IRF2: variants seen among roughly 807,000 people sequenced by gnomAD.
IRF2 encodes the protein interferon regulatory factor 2.
Under a neutral mutation model 40.6 loss-of-function variants are expected in IRF2, and 15 were observed. The observed-to-expected ratio is 0.37, with a 90% CI of 0.25 to 0.57. IRF2 has a LOEUF of 0.57. IRF2 is among the 20% of genes least tolerant of loss of function. The probability of loss-of-function intolerance (pLI) is 0.77; values close to 1 mark genes in which losing one functional copy is unlikely to be tolerated. For missense variants in IRF2, 317 were observed against 455.7 expected, an observed-to-expected ratio of 0.70 and a Z score of 2.77; for synonymous variants, 151 against 165.5, an observed-to-expected ratio of 0.91 and a Z score of 0.67.
chr4:184,470,715 A>G (rs1411218105), intron 1 of IRF2, among the ~76,000 whole-genome samples: 3 of 152,052 alleles, frequency 2.0e-5, no homozygotes, highest in Non-Finnish European at 4.4e-5. Flanking sequence ...GAAAAGAAAA[A>G]AAAGGTGGTA....
chr4:184,467,382 C>T (rs758533266), intron 1 of IRF2, among the ~76,000 whole-genome samples: 1 of 152,228 alleles, frequency 6.6e-6, no homozygotes, highest in Non-Finnish European at 1.5e-5. Flanking sequence ...CCCCAACTCT[C>T]ACTTTCCACC....
At chr4:184,402,105 T>A (rs1736687590) in intron 6 of IRF2, among the ~76,000 whole-genome samples, 1 of 152,164 alleles carries the variant, frequency 6.6e-6, no homozygotes, top group South Asian at 2.1e-4. Flanking sequence ...AGGATCCGGT[T>A]TGTAAGAAGT....
Position 184,419,571 on chromosome 4 carries a change from G to GAAAAAAAAAA in IRF2, c.88-13_88-4dup. 6 of 911,510 alleles carry GAAAAAAAAAA rather than the reference G, an allele frequency of 6.6e-6. No individual in the cohort carries two copies. The highest frequency in any genetic ancestry group is 2.7e-5 in the Admixed American group (1 of 36,712). 56.5% of individuals were successfully genotyped at this position (911,510 alleles called of 1,614,324 possible). A position where few individuals can be genotyped will look rare whatever the true frequency, so the allele number is the denominator to read the frequency against. On this transcript the variant is annotated splice_polypyrimidine_tract_variant and splice_region_variant and intron_variant, in intron 2 of 8. Coordinates refer to ENST00000393593, the MANE Select transcript of IRF2 (RefSeq NM_002199.4). ...GGGATCTGAAAAATCTTCTTTTCCT[G>GAAAAAAAAAA]AAAAAAAAAAAAAAAAAAAAGGTAA...
chr4:184,458,964 A>G (rs1057306601), intron 1 of IRF2, among the ~76,000 whole-genome samples: 3 of 152,142 alleles, frequency 2.0e-5, no homozygotes, highest in African/African-American at 7.2e-5. Flanking sequence ...TTATTACGGC[A>G]ATATTTTTTT....
intron 2 of IRF2, among the ~76,000 whole-genome samples, chr4:184,420,545 C>T (rs1737447134): frequency 6.6e-6 from 1 of 152,198 alleles, no homozygotes; most frequent in South Asian, 2.1e-4. Context: ...ACTATCTCTA[C>T]ATCTCTCTCA....
intron 5 of IRF2, among the ~76,000 whole-genome samples, chr4:184,412,333 T>C (rs1158647210): frequency 2.0e-5 from 3 of 152,126 alleles, no homozygotes; most frequent in East Asian, 1.9e-4. Context: ...CTGAATGGGC[T>C]TGGGGACAGA....
chr4:184,446,636 T>C (rs1434434062), intron 1 of IRF2, among the ~76,000 whole-genome samples: 1 of 152,154 alleles, frequency 6.6e-6, no homozygotes, highest in Non-Finnish European at 1.5e-5. Context: ...GGCACTAGAA[T>C]AGGAGGACTT....
Position 184,435,613 on chromosome 4 carries a change from G to A in IRF2, c.-6-6543C>T, listed in dbSNP as rs539481664. 6.6e-5 allele frequency among the ~76,000 whole-genome samples: 10 copies of A among 152,334 alleles called. No homozygotes were observed. In the East Asian group the frequency reaches 1.9e-3, roughly 29 times the overall value. On this transcript the variant is annotated intron_variant, in intron 1 of 8. Coordinates refer to ENST00000393593, the MANE Select transcript of IRF2 (RefSeq NM_002199.4). ...AAAAGAAACCCAGGAAGGTGAACCT[G>A]ACATTTAGGGCTGCTGTCGTCCTAG...
At chr4:184,416,328 C>CAAAAAAAAAAAA (rs35274774) in intron 5 of IRF2, among the ~76,000 whole-genome samples, 139 of 100,076 alleles carry the variant, frequency 1.4e-3, no homozygotes, top group African/African-American at 1.8e-3. Context: ...AAAAAAAAAA[C>CAAAAAAAAAAAA]AAAAAAAAAA....
At chr4:184,407,714 AT>A (rs1474079802) in intron 6 of IRF2, among the ~76,000 whole-genome samples, 2 of 152,214 alleles carry the variant, frequency 1.3e-5, no homozygotes, top group Non-Finnish European at 2.9e-5. Flanking sequence ...GTGCTCAAAA[AT>A]ATCTGCTGAA....
chr4:184,445,695 T>C (rs28395270), intron 1 of IRF2, among the ~76,000 whole-genome samples: 70,982 of 150,350 alleles, frequency 0.47, 19,940 homozygotes, highest in Non-Finnish European at 0.61. Context: ...AATACAGTAA[T>C]AGAGAACATT....
chr4:184,466,070 T>G (rs980960481), intron 1 of IRF2, among the ~76,000 whole-genome samples: 3 of 151,396 alleles, frequency 2.0e-5, no homozygotes, highest in African/African-American at 7.3e-5. Context: ...GTTTTTTGTT[T>G]TTTTTTTGAG....
intron 1 of IRF2, among the ~76,000 whole-genome samples, chr4:184,462,824 G>C (rs1318731262): frequency 6.6e-6 from 1 of 152,192 alleles, no homozygotes; most frequent in African/African-American, 2.4e-5. Flanking sequence ...TATACCATTA[G>C]GTTTCTAGTA....
chr4:184,431,277 T>A (rs573689985), intron 1 of IRF2, among the ~76,000 whole-genome samples: 1 of 152,368 alleles, frequency 6.6e-6, no homozygotes, highest in African/African-American at 2.4e-5. Flanking sequence ...TTCATTCATT[T>A]GTTCATCCAC....
At chr4:184,473,528 C>T in intron 1 of IRF2, among the ~76,000 whole-genome samples, 1 of 147,936 alleles carries the variant, frequency 6.8e-6, no homozygotes, top group South Asian at 2.1e-4. Flanking sequence ...AGGGCCCGAC[C>T]GGGCGCTGGC....
Position 184,438,685 on chromosome 4 carries a change from C to T in IRF2, c.-6-9615G>A, listed in dbSNP as rs376131169. Among the ~76,000 whole-genome samples, 37 of 152,258 alleles carry T rather than the reference C, an allele frequency of 2.4e-4. No homozygotes were observed. In the East Asian group the frequency reaches 3.5e-3, roughly 14 times the overall value. On this transcript the variant is annotated intron_variant, in intron 1 of 8. Coordinates refer to ENST00000393593, the MANE Select transcript of IRF2 (RefSeq NM_002199.4). ...GTCCTGGGATCACAGGCGTGAGCCC[C>T]GCGCCTGGCCTAATATTTTTAACAT...
intron 7 of IRF2, among the ~76,000 whole-genome samples, chr4:184,391,302 T>C (rs540433441): frequency 9.8e-5 from 15 of 152,314 alleles, no homozygotes; most frequent in African/African-American, 3.1e-4. Context: ...TTCTTTGGGA[T>C]TGCCTCCCTT....
In IRF2 at chr4:184,398,888, C is replaced by T. The variant is rs757183928; in HGVS notation, c.694+27G>A. 3 of 1,558,798 alleles carry T rather than the reference C, an allele frequency of 1.9e-6. No individual in the cohort carries two copies. The Middle Eastern group carries it at 5.8e-4, about 300-fold the overall frequency. ...AGGACTGCGCGGCCGGTTCCCACGCCTCCCGGAGCCTCCCGCTGACGCTTA... is the reference window on the plus strand; with the variant it reads ...AGGACTGCGCGGCCGGTTCCCACGCTTCCCGGAGCCTCCCGCTGACGCTTA... On this transcript the variant is annotated intron_variant, in intron 7 of 8. Transcript: ENST00000393593.
chr4:184,395,618 G>T, intron 7 of IRF2, among the ~76,000 whole-genome samples: 1 of 152,210 alleles, frequency 6.6e-6, no homozygotes, highest in Non-Finnish European at 1.5e-5. Context: ...ATTAGCTACA[G>T]TCAGTAGCAG....
Sources: gnomAD v4.1 joint callset for allele counts (sites outside exome capture counted in the v4.1 genomes callset) on GRCh38, gnomAD v4.1.1 for gene constraint, MANE v1.5 for transcripts, NCBI Gene and HGNC (gene_info 2026-07-23, HGNC 2026-07-21) for gene names.